The following ST8SIA1 variants were observed in gnomAD, a reference collection of about 807,000 sequenced individuals.
ST8SIA1 encodes the protein alpha-N-acetylneuraminide alpha-2,8-sialyltransferase.
Under a neutral mutation model 35.9 loss-of-function variants are expected in ST8SIA1, and 16 were observed. The ratio of observed to expected loss-of-function variants is 0.45; its 90% CI spans 0.30 to 0.68. The LOEUF (loss-of-function observed/expected upper bound fraction) is 0.68, where lower values mean the gene tolerates loss of function less well. Ranked by LOEUF, ST8SIA1 falls within the 30% of genes least tolerant of loss-of-function variation. The pLI is 0.09. For missense variants in ST8SIA1, 383 were observed against 453.6 expected, an observed-to-expected ratio of 0.84 and a Z score of 1.41; for synonymous variants, 170 against 169.6, an observed-to-expected ratio of 1.00 and a Z score of -0.02.
At position 22,276,570 on chromosome 12, in the gene ST8SIA1, C is replaced by G. The variant is rs145918312; in HGVS notation, c.381+10579G>C. On this transcript the variant is annotated intron_variant, in intron 2 of 4. Transcript: ENST00000396037. Reference sequence around the variant, plus strand: ...CCAGATGGTTCCAGGACCACAGTGTCTTTATTTTTAACTGTTTGCCACTGC... The same window carrying G: ...CCAGATGGTTCCAGGACCACAGTGTGTTTATTTTTAACTGTTTGCCACTGC... Among the ~76,000 whole-genome samples the G allele has an allele frequency of 4.5e-3, 679 of 152,160 alleles. 6 individuals carry two copies. Among genetic ancestry groups the G allele is most frequent in the African/African-American group, 0.016 (657 of 41,496 alleles).
intron 1 of ST8SIA1, among the ~76,000 whole-genome samples, chr12:22,303,979 A>C (rs1229376032): frequency 6.6e-6 from 1 of 152,150 alleles, no homozygotes; most frequent in Non-Finnish European, 1.5e-5. Flanking sequence ...TTACATAACA[A>C]GGCCACCTTT....
chr12:22,216,108 T>C (rs1865231270), intron 4 of ST8SIA1, among the ~76,000 whole-genome samples: 1 of 152,220 alleles, frequency 6.6e-6, no homozygotes, highest in South Asian at 2.1e-4. Context: ...TGGCCAACCC[T>C]AACTAATGCA....
At chr12:22,209,055 T>G (rs1195486381) in intron 4 of ST8SIA1, among the ~76,000 whole-genome samples, 1 of 152,056 alleles carries the variant, frequency 6.6e-6, no homozygotes, top group Non-Finnish European at 1.5e-5. Context: ...CAAAAGACAA[T>G]GTAAACATGA....
At chr12:22,294,477 T>G (rs769577439) in intron 1 of ST8SIA1, among the ~76,000 whole-genome samples, 2 of 152,260 alleles carry the variant, frequency 1.3e-5, no homozygotes, top group African/African-American at 2.4e-5. Context: ...AAATAATGTT[T>G]TCTACAGATA....
At chr12:22,232,875 G>A (rs1475293943) in intron 4 of ST8SIA1, among the ~76,000 whole-genome samples, 1 of 151,856 alleles carries the variant, frequency 6.6e-6, no homozygotes, top group African/African-American at 2.4e-5. Flanking sequence ...AAAATGGCAA[G>A]AGAATCTAAA....
chr12:22,206,818 A>C (rs117987796), intron 4 of ST8SIA1, among the ~76,000 whole-genome samples: 168 of 152,286 alleles, frequency 1.1e-3, no homozygotes, highest in Middle Eastern at 3.4e-3. Flanking sequence ...GAGCAGAGGG[A>C]CTCAGAGGAA....
intron 3 of ST8SIA1, among the ~76,000 whole-genome samples, chr12:22,254,402 C>T (rs111418041): frequency 6.6e-6 from 1 of 152,084 alleles, no homozygotes; most frequent in African/African-American, 2.4e-5. Flanking sequence ...CATCTGACCC[C>T]ATCCTTTCTC....
intron 2 of ST8SIA1, among the ~76,000 whole-genome samples, chr12:22,279,551 C>T (rs768794977): frequency 1.9e-4 from 29 of 152,310 alleles, no homozygotes; most frequent in African/African-American, 4.8e-4. Context: ...AAACCTCCAG[C>T]GTAGAGACTG....
rs566578513 is a variant in ST8SIA1 at position 22,211,907 on chromosome 12, C to T, written c.585-9869G>A. Among the ~76,000 whole-genome samples the T allele has an allele frequency of 2.0e-4, 30 of 152,168 alleles. No individual in the cohort carries two copies. In the South Asian group the frequency reaches 5.0e-3, roughly 25 times the overall value. ...TGTATTTTTAGTAGAGACAGGGTTT[C>T]GCCAAGTTGGCCAGGCTGATCTCGA... On this transcript the variant is annotated intron_variant, in intron 4 of 4. Transcript: ENST00000396037.
chr12:22,303,685 G>A (rs550763784), intron 1 of ST8SIA1, among the ~76,000 whole-genome samples: 30 of 151,982 alleles, frequency 2.0e-4, no homozygotes, highest in African/African-American at 6.7e-4. Context: ...TGTTGTTGTT[G>A]TTTTTGTTGT....
chr12:22,205,164 G>A (rs915259897), intron 4 of ST8SIA1, among the ~76,000 whole-genome samples: 4 of 152,046 alleles, frequency 2.6e-5, no homozygotes, highest in African/African-American at 9.7e-5. Context: ...TTGAATTCCT[G>A]AATAATAATT....
At chr12:22,232,700 A>G (rs1280201332) in intron 4 of ST8SIA1, among the ~76,000 whole-genome samples, 2 of 152,064 alleles carry the variant, frequency 1.3e-5, no homozygotes, top group African/African-American at 4.8e-5. Flanking sequence ...TAGGCCGGAC[A>G]TGGTGGCGCA....
At chr12:22,245,887 G>A (rs2120741015) in intron 4 of ST8SIA1, among the ~76,000 whole-genome samples, 1 of 152,350 alleles carries the variant, frequency 6.6e-6, no homozygotes, top group South Asian at 2.1e-4. Context: ...AAAGGACAGG[G>A]CTTGGAGAGC....
chr12:22,283,344 A>AT (rs2135814016), intron 2 of ST8SIA1, among the ~76,000 whole-genome samples: 1 of 152,298 alleles, frequency 6.6e-6, no homozygotes, highest in Admixed American at 6.5e-5. Context: ...TGCCTCACTC[A>AT]TTTCCATGGA....
chr12:22,223,880 G>A lies in ST8SIA1; in HGVS notation c.585-21842C>T, dbSNP rs529047222. The A allele has an allele frequency of 5.5e-5, 54 of 978,230 alleles. No homozygotes were observed. The South Asian group carries it at 1.1e-3, about 21-fold the overall frequency. 60.6% of individuals were successfully genotyped at this position (978,230 alleles called of 1,614,324 possible). A position where few individuals can be genotyped will look rare whatever the true frequency, so the allele number is the denominator to read the frequency against. ...ATTGTGCAAAATAATACTTAATTCT[G>A]TTATATCTTCTTTTGCTTTCTACAT... On this transcript the variant is annotated intron_variant, in intron 4 of 4. Coordinates refer to ENST00000396037, the MANE Select transcript of ST8SIA1 (RefSeq NM_003034.4).
At chr12:22,305,681 T>A (rs1222034463) in intron 1 of ST8SIA1, among the ~76,000 whole-genome samples, 1 of 152,134 alleles carries the variant, frequency 6.6e-6, no homozygotes, top group African/African-American at 2.4e-5. Flanking sequence ...ATGCCCAGCC[T>A]AGCATACATT....
At chr12:22,293,431 A>C (rs1319863495) in intron 1 of ST8SIA1, among the ~76,000 whole-genome samples, 1 of 152,240 alleles carries the variant, frequency 6.6e-6, no homozygotes, top group Non-Finnish European at 1.5e-5. Flanking sequence ...TTTGGCTTTC[A>C]GCCAAAATGT....
At chr12:22,229,344 T>G (rs1335162851) in intron 4 of ST8SIA1, among the ~76,000 whole-genome samples, 3 of 151,738 alleles carry the variant, frequency 2.0e-5, no homozygotes, top group Non-Finnish European at 4.4e-5. Flanking sequence ...TGGCTGAGCA[T>G]GGTGGCTCAT....
intron 1 of ST8SIA1, among the ~76,000 whole-genome samples, chr12:22,308,958 A>C (rs1334462025): frequency 1.3e-5 from 2 of 152,156 alleles, no homozygotes; most frequent in Non-Finnish European, 2.9e-5. Flanking sequence ...TATTATTCTA[A>C]TCATAATGAA....
Sources: allele counts gnomAD v4.1 joint callset (sites outside exome capture counted in the v4.1 genomes callset), GRCh38; gene constraint gnomAD v4.1.1; transcripts MANE v1.5; gene names NCBI Gene and HGNC (gene_info 2026-07-23, HGNC 2026-07-21).